Variants in LRRTM4 observed in about 807,000 individuals in gnomAD.
LRRTM4 encodes the protein leucine-rich repeat transmembrane neuronal protein 4.
LRRTM4 carries 25 observed loss-of-function variants against 47.6 expected under a neutral mutation model. That is an observed-to-expected ratio of 0.53 (90% CI 0.38 to 0.73). The LOEUF is 0.73. LRRTM4 is among the 30% of genes least tolerant of loss of function. LRRTM4 has a pLI of 0.00. For synonymous variants in LRRTM4, 311 were observed against 269.5 expected (o/e 1.15, Z -1.51); for missense variants, 638 against 713.4 (o/e 0.89, Z 1.20).
rs953259054 is a variant in LRRTM4 at position 77,308,074 on chromosome 2, C to T, written c.1551+210244G>A. The stretch of plus-strand genomic sequence containing the variant: ...ATTATATATCTATATATCTATATAA[C>T]ATATATAGATATATAGATATATATG... On this transcript the variant is annotated intron_variant, in intron 3 of 3. Transcript: ENST00000409884. Among the ~76,000 whole-genome samples the T allele has an allele frequency of 7.2e-5, 10 of 138,650 alleles. No individual in the cohort carries two copies. The East Asian group carries it at 1.5e-3, about 21-fold the overall frequency. 91.0% of individuals were successfully genotyped at this position (138,650 alleles called of 152,430 possible).
chr2:77,093,972 T>C (rs539839592), intron 3 of LRRTM4, among the ~76,000 whole-genome samples: 51 of 149,788 alleles, frequency 3.4e-4, no homozygotes, highest in African/African-American at 1.3e-3. Flanking sequence ...TTCCTTTACC[T>C]ACCCAAATCC....
At chr2:77,022,650 G>T (rs960758663) in intron 3 of LRRTM4, among the ~76,000 whole-genome samples, 4 of 152,188 alleles carry the variant, frequency 2.6e-5, no homozygotes, top group African/African-American at 9.6e-5. Context: ...TTGAAATCCA[G>T]CAGGGCAATC....
intron 3 of LRRTM4, among the ~76,000 whole-genome samples, chr2:77,232,543 A>T: frequency 6.6e-6 from 1 of 152,292 alleles, no homozygotes; most frequent in East Asian, 1.9e-4. Context: ...CTTCTTCCAC[A>T]GGCACCTAAG....
At chr2:76,859,226 A>G (rs1672243522) in intron 3 of LRRTM4, among the ~76,000 whole-genome samples, 1 of 152,110 alleles carries the variant, frequency 6.6e-6, no homozygotes, top group South Asian at 2.1e-4. Flanking sequence ...AGTAGGAAAG[A>G]CTGAGTCTGA....
At chr2:77,161,886 C>G (rs1310250573) in intron 3 of LRRTM4, among the ~76,000 whole-genome samples, 1 of 151,874 alleles carries the variant, frequency 6.6e-6, no homozygotes, top group African/African-American at 2.4e-5. Context: ...ATTAGTTGAC[C>G]AATTAAGAGT....
intron 3 of LRRTM4, among the ~76,000 whole-genome samples, chr2:77,067,510 A>G (rs531196882): frequency 5.3e-5 from 8 of 152,094 alleles, no homozygotes; most frequent in Admixed American, 1.3e-4. Context: ...TGTAGATACA[A>G]CTAACAAATT....
chr2:76,822,949 A>G (rs1469152260), intron 3 of LRRTM4, among the ~76,000 whole-genome samples: 3 of 151,468 alleles, frequency 2.0e-5, no homozygotes, highest in South Asian at 2.1e-4. Context: ...GCAATAAAAA[A>G]CAATGCGCAC....
At chr2:76,936,000 A>G (rs1418249357) in intron 3 of LRRTM4, among the ~76,000 whole-genome samples, 1 of 152,178 alleles carries the variant, frequency 6.6e-6, no homozygotes, top group East Asian at 1.9e-4. Flanking sequence ...GGAAGTGTAA[A>G]TTAGTTCAAC....
chr2:77,320,189 T>C (rs1677747358), intron 3 of LRRTM4, among the ~76,000 whole-genome samples: 1 of 151,938 alleles, frequency 6.6e-6, no homozygotes, highest in African/African-American at 2.4e-5. Flanking sequence ...CATACTCAAG[T>C]CAAAAATGAA....
chr2:77,098,991 T>C (rs181962234), intron 3 of LRRTM4, among the ~76,000 whole-genome samples: 1 of 151,876 alleles, frequency 6.6e-6, no homozygotes, highest in Admixed American at 6.6e-5. Context: ...TAATGGGGAG[T>C]AAGTGGAACC....
chr2:76,801,976 A>G (rs1284499526), intron 3 of LRRTM4, among the ~76,000 whole-genome samples: 3 of 152,168 alleles, frequency 2.0e-5, no homozygotes, highest in Non-Finnish European at 4.4e-5. Flanking sequence ...GTACCTAAAC[A>G]GAATAAAGGC....
chr2:77,098,205 C>T (rs904078741), intron 3 of LRRTM4, among the ~76,000 whole-genome samples: 6 of 151,952 alleles, frequency 3.9e-5, no homozygotes, highest in African/African-American at 7.2e-5. Flanking sequence ...AAGGCGGCCA[C>T]GATTAGTCAA....
intron 3 of LRRTM4, among the ~76,000 whole-genome samples, chr2:77,393,076 C>T (rs1045845893): frequency 6.6e-6 from 1 of 151,894 alleles, no homozygotes; most frequent in African/African-American, 2.4e-5. Context: ...AAAAGTTTTG[C>T]TTTATTTTTG....
chr2:77,217,713 A>G (rs1674499057), intron 3 of LRRTM4, among the ~76,000 whole-genome samples: 1 of 151,708 alleles, frequency 6.6e-6, no homozygotes. Context: ...CAGATAAGTC[A>G]TAAGTCTTTC....
chr2:77,383,407 C>G (rs540941755), intron 3 of LRRTM4, among the ~76,000 whole-genome samples: 1 of 151,990 alleles, frequency 6.6e-6, no homozygotes, highest in African/African-American at 2.4e-5. Flanking sequence ...TCTACTAAGG[C>G]CTTTCTCATA....
At chr2:76,967,804 T>TTTTGC (rs1676078103) in intron 3 of LRRTM4, among the ~76,000 whole-genome samples, 1 of 150,660 alleles carries the variant, frequency 6.6e-6, no homozygotes, top group Admixed American at 6.7e-5. Context: ...TTAATTATTA[T>TTTTGC]TTTGCTTTGC....
intron 3 of LRRTM4, among the ~76,000 whole-genome samples, chr2:76,932,975 G>T (rs75669712): frequency 0.011 from 1,618 of 152,168 alleles, 32 homozygotes; most frequent in African/African-American, 0.037. Flanking sequence ...GGTATGAAAT[G>T]ATAAACTTTC....
At chr2:77,495,350 A>G (rs1678320912) in intron 3 of LRRTM4, among the ~76,000 whole-genome samples, 1 of 152,142 alleles carries the variant, frequency 6.6e-6, no homozygotes, top group East Asian at 1.9e-4. Flanking sequence ...TCCATGGCTT[A>G]TATTTTTATT....
chr2:76,797,683 G>T (rs960721739), intron 3 of LRRTM4, among the ~76,000 whole-genome samples: 1 of 151,374 alleles, frequency 6.6e-6, no homozygotes, highest in Non-Finnish European at 1.5e-5. Context: ...ATTGGATAAA[G>T]AGTCAAGACC....
Sources: gnomAD v4.1 joint callset for allele counts (sites outside exome capture counted in the v4.1 genomes callset) on GRCh38, gnomAD v4.1.1 for gene constraint, MANE v1.5 for transcripts, NCBI Gene and HGNC (gene_info 2026-07-23, HGNC 2026-07-21) for gene names.